Variants in ADAMTS17 observed in about 807,000 individuals in gnomAD.
ADAMTS17 encodes A disintegrin and metalloproteinase with thrombospondin motifs 17.
In ADAMTS17, 113 loss-of-function variants were observed where a neutral mutation model predicts 141.5. The observed-to-expected ratio is 0.80, with a 90% confidence interval of 0.69 to 0.93. The LOEUF is 0.93. Among genes scored for constraint, ADAMTS17 ranks in the 40% least tolerant of loss-of-function variants. The pLI is 0.00. For synonymous variants in ADAMTS17, 768 were observed against 630.6 expected, an observed-to-expected ratio of 1.22 and a Z score of -3.27; for missense variants, 1,659 against 1,517.9, an observed-to-expected ratio of 1.09 and a Z score of -1.54.
At position 100,152,814 on chromosome 15, in the gene ADAMTS17, T is replaced by C. The variant is rs764869576; in HGVS notation, c.1323-52A>G. On this transcript the variant is annotated intron_variant, in intron 9 of 21. Transcript: ENST00000268070. The stretch of plus-strand genomic sequence containing the variant: ...TTGCAAATGTACTGCCTAGGTTTTT[T>C]TGTTTTCTTTTTCTTTTTTTTTTTG... 2.4e-5 allele frequency: 38 copies of C among 1,586,452 alleles called. No individual in the cohort carries two copies. In the South Asian group the frequency reaches 4.3e-4, roughly 18 times the overall value.
chr15:100,092,354 C>T (rs2140999897), intron 15 of ADAMTS17, among the ~76,000 whole-genome samples: 1 of 152,360 alleles, frequency 6.6e-6, no homozygotes, highest in Non-Finnish European at 1.5e-5. Flanking sequence ...TCAGAAAACA[C>T]TCAGACGCGT....
intron 4 of ADAMTS17, among the ~76,000 whole-genome samples, chr15:100,270,203 C>A (rs571811268): frequency 2.8e-4 from 42 of 147,614 alleles, no homozygotes; most frequent in Admixed American, 8.7e-4. Flanking sequence ...GACTCTGGAG[C>A]CATTTCTTCA....
At chr15:100,318,200 C>A (rs926928023) in intron 3 of ADAMTS17, among the ~76,000 whole-genome samples, 2 of 152,110 alleles carry the variant, frequency 1.3e-5, no homozygotes, top group Admixed American at 6.5e-5. Flanking sequence ...AGGGGTAAAT[C>A]ATTCATGAAT....
intron 3 of ADAMTS17, among the ~76,000 whole-genome samples, chr15:100,312,402 G>A (rs2045435031): frequency 6.6e-6 from 1 of 152,160 alleles, no homozygotes; most frequent in Non-Finnish European, 1.5e-5. Context: ...TTCTCCCCTG[G>A]AACCTCCAGA....
chr15:100,318,653 C>T (rs1200367805), intron 3 of ADAMTS17, among the ~76,000 whole-genome samples: 1 of 152,220 alleles, frequency 6.6e-6, no homozygotes, highest in Non-Finnish European at 1.5e-5. Context: ...GCAGCCCAAA[C>T]AGACTAAGAC....
intron 12 of ADAMTS17, 23 bp downstream of exon 12, chr15:100,131,984 G>C: frequency 3.7e-6 from 6 of 1,614,220 alleles, no homozygotes; most frequent in Non-Finnish European, 4.2e-6. Flanking sequence ...GCACGTTGGG[G>C]TATGGCTGGT....
At chr15:100,251,924 G>A (rs866843140) in intron 7 of ADAMTS17, among the ~76,000 whole-genome samples, 2 of 152,190 alleles carry the variant, frequency 1.3e-5, no homozygotes, top group African/African-American at 4.8e-5. Context: ...GAGAGGCAAA[G>A]TCTGCCGACA....
At chr15:99,983,622 C>T (rs1368533268) in intron 20 of ADAMTS17, among the ~76,000 whole-genome samples, 1 of 152,204 alleles carries the variant, frequency 6.6e-6, no homozygotes, top group Non-Finnish European at 1.5e-5. Context: ...GTCAACTATA[C>T]ACGCCTGGGC....
chr15:100,308,055 C>T (rs977384866), intron 3 of ADAMTS17, among the ~76,000 whole-genome samples: 1 of 152,176 alleles, frequency 6.6e-6, no homozygotes, highest in East Asian at 1.9e-4. Flanking sequence ...AAACGGTAAG[C>T]TCATCTACTT....
In ADAMTS17 at chr15:100,051,562, G is replaced by A. The variant is rs775456913; in HGVS notation, c.2455+10C>T. The A allele has an allele frequency of 3.9e-5, 63 of 1,612,862 alleles. No homozygotes were observed. The highest frequency in any genetic ancestry group is 2.2e-4 in the South Asian group (20 of 91,040). On this transcript the variant is annotated intron_variant, in intron 17 of 21. Transcript: ENST00000268070. ...CCACACCCAACAGGTCATGGACCAC[G>A]GCCACTCACCTCCGCCGCACTGCAC...
At chr15:100,177,222 G>A (rs1031692938) in intron 8 of ADAMTS17, among the ~76,000 whole-genome samples, 1 of 152,208 alleles carries the variant, frequency 6.6e-6, no homozygotes, top group Non-Finnish European at 1.5e-5. Context: ...CTAATTTCTT[G>A]AAGTAGGAAC....
At chr15:100,339,078 C>T (rs1306661441) in intron 2 of ADAMTS17, 4 of 985,352 alleles carry the variant, frequency 4.1e-6, no homozygotes, top group Non-Finnish European at 4.8e-6. Context: ...TCTGCTCCGG[C>T]AGGAATTTAA....
intron 8 of ADAMTS17, among the ~76,000 whole-genome samples, chr15:100,197,049 A>G (rs746381979): frequency 6.6e-6 from 1 of 152,256 alleles, no homozygotes; most frequent in African/African-American, 2.4e-5. Context: ...GCTAAAGGGT[A>G]CTAAAGTGTG....
Position 99,997,273 on chromosome 15 carries a change from C to A in ADAMTS17, c.2796+112G>T. On this transcript the variant is annotated intron_variant, in intron 19 of 21. Coordinates refer to ENST00000268070, the MANE Select transcript of ADAMTS17 (RefSeq NM_139057.4). This position sits in a 1 kb window ranked among gnomAD's most constrained non-coding sequence, Gnocchi z 4.7. Reference sequence around the variant, plus strand: ...GAACACATGAGCTATAACACAACTTCAAGCTGACCTGGGGGCGAGCGAGGG... The same window carrying A: ...GAACACATGAGCTATAACACAACTTAAAGCTGACCTGGGGGCGAGCGAGGG... 8.1e-7 allele frequency: 1 copy of A among 1,236,740 alleles called. No homozygotes were observed. Among genetic ancestry groups the A allele is most frequent in the African/African-American group, 1.5e-5 (1 of 67,906 alleles). 76.6% of individuals were successfully genotyped at this position (1,236,740 alleles called of 1,614,324 possible).
At chr15:100,057,652 G>A (rs750650941) in intron 15 of ADAMTS17, among the ~76,000 whole-genome samples, 9 of 152,090 alleles carry the variant, frequency 5.9e-5, no homozygotes, top group East Asian at 3.8e-4. Context: ...TTTCCCTCCC[G>A]TCACGTGGGA....
chr15:100,070,248 C>G (rs549814738), intron 15 of ADAMTS17, among the ~76,000 whole-genome samples: 3 of 142,176 alleles, frequency 2.1e-5, no homozygotes, highest in African/African-American at 7.5e-5. Context: ...AAAGCAAGTC[C>G]TGAGTGACCT....
chr15:100,153,906 C>T (rs562193489), intron 9 of ADAMTS17, among the ~76,000 whole-genome samples: 4 of 152,252 alleles, frequency 2.6e-5, no homozygotes, highest in South Asian at 2.1e-4. Flanking sequence ...CTTGGCCGGG[C>T]GCGGTAGCTC....
At chr15:100,283,096 T>C (rs1185487171) in intron 3 of ADAMTS17, among the ~76,000 whole-genome samples, 1 of 152,238 alleles carries the variant, frequency 6.6e-6, no homozygotes, top group African/African-American at 2.4e-5. Context: ...CAGGCATCAC[T>C]TTTAAACTCT....
At chr15:100,042,706 G>A (rs1036470250) in intron 18 of ADAMTS17, among the ~76,000 whole-genome samples, 2 of 152,154 alleles carry the variant, frequency 1.3e-5, no homozygotes, top group Non-Finnish European at 2.9e-5. Context: ...AACCAGCAGG[G>A]AGCAGAGACA....
Sources: allele counts gnomAD v4.1 joint callset (sites outside exome capture counted in the v4.1 genomes callset), GRCh38; gene constraint gnomAD v4.1.1; non-coding constraint Gnocchi (gnomAD v3.1); transcripts MANE v1.5; gene names NCBI Gene and HGNC (gene_info 2026-07-23, HGNC 2026-07-21).